Variants in DOK6 observed in about 807,000 individuals in gnomAD.
DOK6 encodes downstream of tyrosine kinase 6.
In DOK6, 22 loss-of-function variants were observed where a neutral mutation model predicts 44.0. That is an observed-to-expected ratio of 0.50 (90% CI 0.36 to 0.71). The LOEUF (loss-of-function observed/expected upper bound fraction) is 0.71, where lower values mean the gene tolerates loss of function less well. Ranked by LOEUF, DOK6 falls within the 30% of genes least tolerant of loss-of-function variation. DOK6 has a pLI of 0.00. For synonymous variants in DOK6, 166 were observed against 145.5 expected, an observed-to-expected ratio of 1.14 and a Z score of -1.01; for missense variants, 340 against 416.4, an observed-to-expected ratio of 0.82 and a Z score of 1.60.
chr18:69,817,529 T>C (rs1251659953), intron 7 of DOK6, among the ~76,000 whole-genome samples: 1 of 152,146 alleles, frequency 6.6e-6, no homozygotes, highest in African/African-American at 2.4e-5. Flanking sequence ...CTTCTCACTG[T>C]GTCCTACAGG....
chr18:69,482,464 G>T (rs985508992), intron 1 of DOK6, among the ~76,000 whole-genome samples: 2 of 151,898 alleles, frequency 1.3e-5, no homozygotes, highest in Non-Finnish European at 2.9e-5. Context: ...TTTGGGGAAA[G>T]AATTGAAGAA....
intron 7 of DOK6, among the ~76,000 whole-genome samples, chr18:69,785,173 G>T (rs1236265794): frequency 1.3e-5 from 2 of 152,170 alleles, no homozygotes; most frequent in Admixed American, 1.3e-4. Context: ...CATCAGCAAT[G>T]TTCTGTTAAT....
chr18:69,651,138 G>A (rs1450271640), intron 3 of DOK6, among the ~76,000 whole-genome samples: 3 of 152,084 alleles, frequency 2.0e-5, no homozygotes, highest in African/African-American at 7.2e-5. Context: ...TTCCCAGTAC[G>A]AAGCATACAG....
intron 1 of DOK6, among the ~76,000 whole-genome samples, chr18:69,530,304 C>G (rs1981949341): frequency 6.6e-6 from 1 of 152,038 alleles, no homozygotes; most frequent in African/African-American, 2.4e-5. Context: ...AGGCACTGGG[C>G]AGACATTAGC....
chr18:69,746,768 C>T (rs1440563009), intron 6 of DOK6, among the ~76,000 whole-genome samples: 1 of 152,122 alleles, frequency 6.6e-6, no homozygotes, highest in Admixed American at 6.5e-5. Context: ...TGAGGTGTCC[C>T]TTATTGAAAA....
intron 2 of DOK6, among the ~76,000 whole-genome samples, chr18:69,578,087 A>G (rs879599283): frequency 6.6e-6 from 1 of 152,084 alleles, no homozygotes; most frequent in Non-Finnish European, 1.5e-5. Flanking sequence ...AAATAAATAA[A>G]TTATTTAAAA....
intron 3 of DOK6, among the ~76,000 whole-genome samples, chr18:69,626,521 A>C (rs1042574788): frequency 6.6e-6 from 1 of 152,266 alleles, no homozygotes; most frequent in Non-Finnish European, 1.5e-5. Flanking sequence ...CCATGCTGGC[A>C]AAAAGCTATA....
At chr18:69,658,671 T>C (rs1329481038) in intron 3 of DOK6, among the ~76,000 whole-genome samples, 1 of 152,230 alleles carries the variant, frequency 6.6e-6, no homozygotes, top group East Asian at 1.9e-4. Context: ...GTTCGCTGTA[T>C]TTCTCTATTT....
At chr18:69,821,799 T>TTAAAA (rs10641812) in intron 7 of DOK6, among the ~76,000 whole-genome samples, 1 of 149,252 alleles carries the variant, frequency 6.7e-6, no homozygotes, top group African/African-American at 2.5e-5. Context: ...TTTTTTTTTT[T>TTAAAA]AAAAAAAATC....
chr18:69,579,451 A>G (rs1983312586), intron 2 of DOK6, among the ~76,000 whole-genome samples: 1 of 152,234 alleles, frequency 6.6e-6, no homozygotes, highest in Non-Finnish European at 1.5e-5. Context: ...TTTCCTGGGT[A>G]TAATGGAAAC....
chr18:69,531,991 C>A (rs917217162), intron 1 of DOK6, among the ~76,000 whole-genome samples: 7 of 152,040 alleles, frequency 4.6e-5, no homozygotes, highest in Non-Finnish European at 1.0e-4. Context: ...GATTAGTGTT[C>A]TTATAAATAT....
At chr18:69,518,896 A>G (rs1319173449) in intron 1 of DOK6, among the ~76,000 whole-genome samples, 1 of 152,088 alleles carries the variant, frequency 6.6e-6, no homozygotes. Context: ...CTTACCACTG[A>G]CAAACCTGAT....
intron 5 of DOK6, among the ~76,000 whole-genome samples, chr18:69,726,269 T>C (rs1978306769): frequency 6.6e-6 from 1 of 152,254 alleles, no homozygotes; most frequent in Non-Finnish European, 1.5e-5. Flanking sequence ...AATAACGCTC[T>C]TGTTTGAGTC....
chr18:69,524,291 A>G (rs1599172817), intron 1 of DOK6, among the ~76,000 whole-genome samples: 1 of 152,038 alleles, frequency 6.6e-6, no homozygotes, highest in Non-Finnish European at 1.5e-5. Flanking sequence ...CACAACCCAA[A>G]CATAAAAATA....
intron 3 of DOK6, among the ~76,000 whole-genome samples, chr18:69,622,936 T>C (rs1984476233): frequency 6.6e-6 from 1 of 151,976 alleles, no homozygotes; most frequent in Non-Finnish European, 1.5e-5. Context: ...CCCATTTGAG[T>C]CGGAATTGCC....
At chr18:69,769,470 T>G (rs954248063) in intron 7 of DOK6, among the ~76,000 whole-genome samples, 7 of 152,120 alleles carry the variant, frequency 4.6e-5, no homozygotes, top group African/African-American at 1.7e-4. Flanking sequence ...ATATGATGAG[T>G]TGAAACTTTT....
At chr18:69,819,210 G>T (rs1019687760) in intron 7 of DOK6, among the ~76,000 whole-genome samples, 1 of 151,946 alleles carries the variant, frequency 6.6e-6, no homozygotes, top group Non-Finnish European at 1.5e-5. Context: ...ATCCATATCA[G>T]TATCTTAATC....
intron 7 of DOK6, among the ~76,000 whole-genome samples, chr18:69,839,179 A>C (rs1982138466): frequency 1.6e-5 from 2 of 128,962 alleles, no homozygotes; most frequent in Non-Finnish European, 3.2e-5. Flanking sequence ...CTCCTCCCCT[A>C]GCTTCTCCCC....
intron 1 of DOK6, among the ~76,000 whole-genome samples, chr18:69,421,087 G>T (rs1790070250): frequency 6.6e-6 from 1 of 152,086 alleles, no homozygotes; most frequent in Non-Finnish European, 1.5e-5. Context: ...TGTACTCAAA[G>T]ATTAAGACAG....
Sources: allele counts gnomAD v4.1 joint callset (sites outside exome capture counted in the v4.1 genomes callset), GRCh38; gene constraint gnomAD v4.1.1; transcripts MANE v1.5; gene names NCBI Gene and HGNC (gene_info 2026-07-23, HGNC 2026-07-21).